Variants in IQUB observed in about 807,000 individuals in gnomAD.
IQUB encodes the protein IQ motif and ubiquitin domain containing.
Under a neutral mutation model 86.4 loss-of-function variants are expected in IQUB, and 86 were observed. That is an observed-to-expected ratio of 1.00 (90% CI 0.84 to 1.19). IQUB has a LOEUF of 1.19. Ranked by LOEUF, IQUB falls within the 50% of genes most tolerant of loss-of-function variation. The pLI, the probability that IQUB is intolerant of heterozygous loss-of-function variation, is 0.00. For synonymous variants in IQUB, 289 were observed against 304.5 expected (o/e 0.95, Z 0.53); for missense variants, 946 against 916.9 (o/e 1.03, Z -0.41).
chr7:123,498,654 A>T (rs1562858679), intron 6 of IQUB, among the ~76,000 whole-genome samples: 1 of 152,206 alleles, frequency 6.6e-6, no homozygotes, highest in Non-Finnish European at 1.5e-5. Flanking sequence ...AAGCTCTGTC[A>T]TATTTAACAA....
chr7:123,487,716 T>G (rs1478479685), intron 7 of IQUB, among the ~76,000 whole-genome samples: 1 of 152,222 alleles, frequency 6.6e-6, no homozygotes, highest in African/African-American at 2.4e-5. Flanking sequence ...AATGCCAATA[T>G]GGCTACAACT....
intron 3 of IQUB, among the ~76,000 whole-genome samples, chr7:123,506,034 A>G (rs1426333195): frequency 1.3e-5 from 2 of 152,298 alleles, no homozygotes; most frequent in Middle Eastern, 3.4e-3. Flanking sequence ...ACCCTAAATC[A>G]CCACTTTCAA....
chr7:123,460,126 TG>T (rs1403354722), intron 11 of IQUB, among the ~76,000 whole-genome samples: 2 of 151,962 alleles, frequency 1.3e-5, no homozygotes, highest in Non-Finnish European at 2.9e-5. Context: ...TTTTCAATCC[TG>T]GTGCTGGTAC....
chr7:123,457,571 A>G lies in IQUB; in HGVS notation c.2008-5T>C. The G allele has an allele frequency of 6.3e-7, 1 of 1,592,870 alleles. No individual in the cohort carries two copies. The highest frequency in any genetic ancestry group is 1.7e-4 in the Middle Eastern group (1 of 6,010). ...CAGGTACTGAATGTCTTGTAGCTGCATGTCAAAGCAAGTTTTAAAAACAAT... is the reference window on the plus strand; with the variant it reads ...CAGGTACTGAATGTCTTGTAGCTGCGTGTCAAAGCAAGTTTTAAAAACAAT... On this transcript the variant is annotated splice_polypyrimidine_tract_variant and splice_region_variant and intron_variant, in intron 11 of 12. Transcript: ENST00000324698.
At chr7:123,508,283 T>C (rs1796275906) in intron 3 of IQUB, among the ~76,000 whole-genome samples, 1 of 152,248 alleles carries the variant, frequency 6.6e-6, no homozygotes, top group Non-Finnish European at 1.5e-5. Flanking sequence ...AGCAGCCCTG[T>C]AGACACCTTG....
intron 7 of IQUB, among the ~76,000 whole-genome samples, chr7:123,489,271 T>G (rs1795353432): frequency 6.6e-6 from 1 of 152,130 alleles, no homozygotes; most frequent in African/African-American, 2.4e-5. Context: ...AAATCCTATT[T>G]TGATATAACA....
intron 11 of IQUB, among the ~76,000 whole-genome samples, chr7:123,459,020 C>G (rs191157467): frequency 5.3e-5 from 8 of 151,956 alleles, no homozygotes; most frequent in Admixed American, 3.3e-4. Flanking sequence ...TTCAAACATT[C>G]AAATTATGCC....
At chr7:123,531,547 A>G (rs1584670789) in intron 1 of IQUB, among the ~76,000 whole-genome samples, 2 of 152,124 alleles carry the variant, frequency 1.3e-5, no homozygotes, top group African/African-American at 4.8e-5. Flanking sequence ...CTGTTTTGCA[A>G]ACTCAAAGTC....
At chr7:123,495,608 T>C (rs1241738987) in intron 7 of IQUB, among the ~76,000 whole-genome samples, 2 of 152,128 alleles carry the variant, frequency 1.3e-5, no homozygotes, top group Non-Finnish European at 2.9e-5. Flanking sequence ...TTGAGGCTAT[T>C]TCTAGGTTTT....
At chr7:123,467,383 T>C (rs1212966512) in intron 9 of IQUB, among the ~76,000 whole-genome samples, 1 of 152,008 alleles carries the variant, frequency 6.6e-6, no homozygotes, top group African/African-American at 2.4e-5. Context: ...TCTCCGACAA[T>C]TCCCTGTGCT....
chr7:123,466,913 G>A (rs1369641387), intron 9 of IQUB, among the ~76,000 whole-genome samples: 1 of 152,020 alleles, frequency 6.6e-6, no homozygotes, highest in Non-Finnish European at 1.5e-5. Flanking sequence ...CATTGCTTAT[G>A]TATAAACTTT....
intron 1 of IQUB, chr7:123,532,724 T>C (rs1163534879): frequency 6.6e-6 from 1 of 151,892 alleles, no homozygotes; most frequent in African/African-American, 2.4e-5. Flanking sequence ...GCCCAAGGGG[T>C]CCGGCTCCTT....
At position 123,477,143 on chromosome 7, in the gene IQUB, C is replaced by A. The variant is rs182386434; in HGVS notation, c.1410+2652G>T. Among the ~76,000 whole-genome samples the A allele has an allele frequency of 4.2e-3, 643 of 152,198 alleles. 2 individuals are homozygous for A. The highest frequency in any genetic ancestry group is 7.0e-3 in the Non-Finnish European group (477 of 68,018). On this transcript the variant is annotated intron_variant, in intron 8 of 12. Transcript: ENST00000324698. Reference sequence around the variant, plus strand: ...CCCGCATTACCAAGACAATCCTAAGCAAAGAGAACAAAGCTGGAGGCATTA... The same window carrying A: ...CCCGCATTACCAAGACAATCCTAAGAAAAGAGAACAAAGCTGGAGGCATTA...
At chr7:123,532,643 T>A (rs959941329) in intron 1 of IQUB, 12 of 151,786 alleles carry the variant, frequency 7.9e-5, no homozygotes, top group Non-Finnish European at 2.9e-5. Context: ...ATAAAAGGGC[T>A]CAGAAAGCGG....
chr7:123,499,054 G>C (rs1795830320), intron 6 of IQUB, among the ~76,000 whole-genome samples: 1 of 151,834 alleles, frequency 6.6e-6, no homozygotes, highest in African/African-American at 2.4e-5. Context: ...AAATTTAAAT[G>C]AATGAATGAA....
At chr7:123,476,452 T>G (rs1225409929) in intron 8 of IQUB, among the ~76,000 whole-genome samples, 2 of 152,172 alleles carry the variant, frequency 1.3e-5, no homozygotes, top group Admixed American at 6.5e-5. Context: ...GGTATAGTAT[T>G]CAGGGAGAGA....
intron 10 of IQUB, among the ~76,000 whole-genome samples, chr7:123,462,299 TAA>T (rs1794027987): frequency 6.6e-6 from 1 of 151,820 alleles, no homozygotes; most frequent in Non-Finnish European, 1.5e-5. Flanking sequence ...ATGTGATATA[TAA>T]GACTTTCAAA....
chr7:123,506,878 A>G (rs1427721256), intron 3 of IQUB, among the ~76,000 whole-genome samples: 1 of 152,150 alleles, frequency 6.6e-6, no homozygotes, highest in Non-Finnish European at 1.5e-5. Context: ...TACATTGCTT[A>G]ATTTTTATGA....
intron 1 of IQUB, among the ~76,000 whole-genome samples, chr7:123,521,745 C>A (rs1359360950): frequency 6.6e-6 from 1 of 151,680 alleles, no homozygotes; most frequent in Non-Finnish European, 1.5e-5. Context: ...TTCATAGGTC[C>A]TTAATTAATG....
Sources: gnomAD v4.1 joint callset for allele counts (sites outside exome capture counted in the v4.1 genomes callset) on GRCh38, gnomAD v4.1.1 for gene constraint, MANE v1.5 for transcripts, NCBI Gene and HGNC (gene_info 2026-07-23, HGNC 2026-07-21) for gene names.